Variants in DPP10 observed in about 807,000 individuals in gnomAD.
DPP10 encodes the protein dipeptidyl peptidase like 10, also known as inactive dipeptidyl peptidase 10.
Under a neutral mutation model 120.9 loss-of-function variants are expected in DPP10, and 33 were observed. The ratio of observed to expected loss-of-function variants is 0.27; its 90% CI spans 0.21 to 0.37. The LOEUF (loss-of-function observed/expected upper bound fraction) is 0.37, where lower values mean the gene tolerates loss of function less well. DPP10 is among the 10% of genes least tolerant of loss of function. The probability of loss-of-function intolerance (pLI) is 1.00; values close to 1 mark genes in which losing one functional copy is unlikely to be tolerated. For missense variants in DPP10, 816 were observed against 942.8 expected, an observed-to-expected ratio of 0.87 and a Z score of 1.76; for synonymous variants, 337 against 326.1, an observed-to-expected ratio of 1.03 and a Z score of -0.36.
At position 115,559,262 on chromosome 2, in the gene DPP10, G is replaced by A. The variant is rs577723928; in HGVS notation, c.441+33290G>A. ...GTGAAAATATGAAAGCCATATGAAA[G>A]GCAGGTTCAGTATAAATGCAAATTG... On this transcript the variant is annotated intron_variant, in intron 5 of 25. Transcript: ENST00000410059. Among the ~76,000 whole-genome samples the A allele has an allele frequency of 1.4e-4, 21 of 152,190 alleles. No homozygotes were observed. In the Middle Eastern group the frequency reaches 0.01, roughly 74 times the overall value.
chr2:114,628,280 C>T (rs554535712), intron 1 of DPP10, among the ~76,000 whole-genome samples: 1 of 152,126 alleles, frequency 6.6e-6, no homozygotes, highest in East Asian at 1.9e-4. Flanking sequence ...AGATTTAATT[C>T]CTGCAAGATT....
chr2:115,094,343 T>G (rs1709537625), intron 1 of DPP10, among the ~76,000 whole-genome samples: 1 of 152,126 alleles, frequency 6.6e-6, no homozygotes, highest in Non-Finnish European at 1.5e-5. Context: ...TGTCTGAAGG[T>G]GATAAAAGAA....
At chr2:114,452,559 C>T (rs760903158) in intron 1 of DPP10, among the ~76,000 whole-genome samples, 6 of 152,066 alleles carry the variant, frequency 3.9e-5, no homozygotes, top group Non-Finnish European at 7.4e-5. Flanking sequence ...ATTGTCCATT[C>T]GCTCCTTTAA....
intron 1 of DPP10, among the ~76,000 whole-genome samples, chr2:115,300,709 C>T (rs948997081): frequency 1.3e-5 from 2 of 151,962 alleles, no homozygotes; most frequent in African/African-American, 4.8e-5. Flanking sequence ...TAAATACTCT[C>T]AGTTTTCTCA....
chr2:115,567,230 A>C (rs1377429455), intron 5 of DPP10, among the ~76,000 whole-genome samples: 1 of 152,018 alleles, frequency 6.6e-6, no homozygotes, highest in Non-Finnish European at 1.5e-5. Flanking sequence ...TCAATATATA[A>C]TTCTAAAATT....
At chr2:115,825,637 A>G (rs1052179539) in intron 21 of DPP10, among the ~76,000 whole-genome samples, 1 of 152,184 alleles carries the variant, frequency 6.6e-6, no homozygotes, top group Non-Finnish European at 1.5e-5. Context: ...GAAAGTCTTT[A>G]CCTCAATTTC....
chr2:114,587,019 C>T (rs533185723), intron 1 of DPP10, among the ~76,000 whole-genome samples: 3 of 152,022 alleles, frequency 2.0e-5, no homozygotes, highest in African/African-American at 4.8e-5. Context: ...CAGCCTAGGC[C>T]GGGTGCAGTG....
intron 3 of DPP10, among the ~76,000 whole-genome samples, chr2:115,419,866 C>T (rs1430231175): frequency 6.6e-6 from 1 of 152,014 alleles, no homozygotes; most frequent in African/African-American, 2.4e-5. Flanking sequence ...AGAAATAGGG[C>T]ACTACTTATT....
At chr2:115,691,126 A>G (rs1413603912) in intron 7 of DPP10, among the ~76,000 whole-genome samples, 1 of 147,948 alleles carries the variant, frequency 6.8e-6, no homozygotes, top group African/African-American at 2.5e-5. Flanking sequence ...TTTTTTTTTT[A>G]GTTAAAAGGA....
intron 5 of DPP10, among the ~76,000 whole-genome samples, chr2:115,627,611 G>T (rs1445252238): frequency 5.9e-5 from 9 of 152,116 alleles, no homozygotes; most frequent in Non-Finnish European, 1.3e-4. Flanking sequence ...GTGGTTTGCT[G>T]CACCTATCAA....
chr2:114,943,273 CCA>C (rs1159616665), intron 1 of DPP10, among the ~76,000 whole-genome samples: 1 of 151,944 alleles, frequency 6.6e-6, no homozygotes, highest in Non-Finnish European at 1.5e-5. Flanking sequence ...CGTATATGTG[CCA>C]CAGTTTTTTT....
intron 1 of DPP10, among the ~76,000 whole-genome samples, chr2:114,827,595 TATTA>T (rs1686672799): frequency 6.6e-6 from 1 of 152,176 alleles, no homozygotes; most frequent in Non-Finnish European, 1.5e-5. Flanking sequence ...TTTTTTGATT[TATTA>T]ATTGTTACTT....
chr2:114,565,802 G>T (rs1445824507), intron 1 of DPP10, among the ~76,000 whole-genome samples: 1 of 152,182 alleles, frequency 6.6e-6, no homozygotes, highest in African/African-American at 2.4e-5. Context: ...TGTATTTAAA[G>T]TGGATATTTG....
At chr2:115,510,279 T>C (rs1275979678) in intron 4 of DPP10, among the ~76,000 whole-genome samples, 1 of 152,170 alleles carries the variant, frequency 6.6e-6, no homozygotes, top group Non-Finnish European at 1.5e-5. Flanking sequence ...GAGAACATAA[T>C]AGATTTTTAT....
intron 1 of DPP10, among the ~76,000 whole-genome samples, chr2:114,570,197 C>T (rs997025284): frequency 1.3e-5 from 2 of 151,954 alleles, no homozygotes; most frequent in African/African-American, 4.8e-5. Flanking sequence ...CAAAATATTC[C>T]TGAGAGACCA....
chr2:114,699,784 G>A (rs888229876), intron 1 of DPP10, among the ~76,000 whole-genome samples: 2 of 152,130 alleles, frequency 1.3e-5, no homozygotes, highest in Admixed American at 6.6e-5. Context: ...AGTGTGGGAA[G>A]AGCAGAGGAA....
At chr2:115,039,795 G>A (rs1182272976) in intron 1 of DPP10, among the ~76,000 whole-genome samples, 7 of 152,078 alleles carry the variant, frequency 4.6e-5, no homozygotes, top group African/African-American at 1.2e-4. Flanking sequence ...ACACCCATCA[G>A]CAAGTCTCCA....
chr2:115,288,882 C>T (rs2060519742), intron 1 of DPP10, among the ~76,000 whole-genome samples: 1 of 151,812 alleles, frequency 6.6e-6, no homozygotes, highest in African/African-American at 2.4e-5. Flanking sequence ...AAGAACTGGA[C>T]TAAGACAAGG....
At chr2:115,289,506 G>GAAAAAAAAAA (rs70941043) in intron 1 of DPP10, among the ~76,000 whole-genome samples, 1 of 114,382 alleles carries the variant, frequency 8.7e-6, no homozygotes. Flanking sequence ...AAAAAAAAAG[G>GAAAAAAAAAA]AAGAAAAGAA....
Sources: gnomAD v4.1 joint callset for allele counts (sites outside exome capture counted in the v4.1 genomes callset) on GRCh38, gnomAD v4.1.1 for gene constraint, MANE v1.5 for transcripts, NCBI Gene and HGNC (gene_info 2026-07-23, HGNC 2026-07-21) for gene names.